CNTN4: variants seen among roughly 807,000 people sequenced by gnomAD.
The protein encoded by CNTN4 is contactin-4.
A neutral mutation model predicts 122.5 loss-of-function variants in CNTN4; 77 were observed. That is an observed-to-expected ratio of 0.63 (90% CI 0.52 to 0.76). CNTN4 has a LOEUF of 0.76. Among genes scored for constraint, CNTN4 ranks in the 30% least tolerant of loss-of-function variants. The probability of loss-of-function intolerance (pLI) is 0.00; values close to 1 mark genes in which losing one functional copy is unlikely to be tolerated. For synonymous variants in CNTN4, 512 were observed against 447.0 expected (o/e 1.15, Z -1.83); for missense variants, 1,256 against 1,259.1 (o/e 1.00, Z 0.04).
chr3:2,340,710 T>TATATATATATATATATATATAG, intron 3 of CNTN4, among the ~76,000 whole-genome samples: 6 of 18,302 alleles, frequency 3.3e-4, no homozygotes, highest in Non-Finnish European at 8.1e-4. Flanking sequence ...TATATATATA[T>TATATATATATATATATATATAG]AGAGAGAGAG....
At chr3:2,222,570 G>A (rs2039101647) in intron 2 of CNTN4, among the ~76,000 whole-genome samples, 2 of 151,654 alleles carry the variant, frequency 1.3e-5, no homozygotes, top group Middle Eastern at 3.4e-3. Context: ...TACATGAATT[G>A]TATACTTTGA....
intron 4 of CNTN4, among the ~76,000 whole-genome samples, chr3:2,721,128 C>T (rs867633432): frequency 3.3e-5 from 5 of 152,178 alleles, no homozygotes; most frequent in African/African-American, 9.6e-5. Flanking sequence ...TGTGCCACCA[C>T]ACCTGGCTAA....
intron 2 of CNTN4, among the ~76,000 whole-genome samples, chr3:2,164,375 A>G (rs550274218): frequency 3.6e-4 from 55 of 152,232 alleles, no homozygotes; most frequent in African/African-American, 1.2e-3. Context: ...AGAGAGGATG[A>G]CGCACATAGG....
At chr3:3,049,651 G>C (rs1286764701) in intron 23 of CNTN4, among the ~76,000 whole-genome samples, 1 of 152,172 alleles carries the variant, frequency 6.6e-6, no homozygotes, top group Non-Finnish European at 1.5e-5. Context: ...GAAAGCCATG[G>C]AGTGGACAGG....
At chr3:3,035,937 A>G (rs1699562771) in intron 17 of CNTN4, among the ~76,000 whole-genome samples, 1 of 152,138 alleles carries the variant, frequency 6.6e-6, no homozygotes, top group Non-Finnish European at 1.5e-5. Flanking sequence ...TAAAAAAAAA[A>G]AAAACATTGT....
At chr3:2,965,638 A>G (rs191972638) in intron 13 of CNTN4, among the ~76,000 whole-genome samples, 1 of 152,316 alleles carries the variant, frequency 6.6e-6, no homozygotes, top group Admixed American at 6.5e-5. Context: ...ATTCACCAGC[A>G]TGATCTTTCC....
chr3:2,849,986 C>CTTTTTTTTTTTTTTTTTT (rs746657018), intron 7 of CNTN4, among the ~76,000 whole-genome samples: 4 of 140,698 alleles, frequency 2.8e-5, no homozygotes, highest in Non-Finnish European at 1.5e-5. Context: ...TTAGCAATCA[C>CTTTTTTTTTTTTTTTTTT]TTTTTTTTCT....
chr3:2,253,514 AG>A (rs2040456006), intron 2 of CNTN4, among the ~76,000 whole-genome samples: 2 of 152,208 alleles, frequency 1.3e-5, no homozygotes, highest in African/African-American at 4.8e-5. Flanking sequence ...ACAGCTAAAA[AG>A]GTCTACTGAC....
Position 2,481,288 on chromosome 3 carries a change from A to G in CNTN4, c.-88-90128A>G, listed in dbSNP as rs572847648. On this transcript the variant is annotated intron_variant, in intron 3 of 24. Coordinates refer to ENST00000418658, the MANE Select transcript of CNTN4 (RefSeq NM_175607.3). The stretch of plus-strand genomic sequence containing the variant: ...CCTGAGCAGCTAGGATTACAGGTGC[A>G]CGCCACCATGTCCAGCTAATTTTTG... 4.0e-5 allele frequency among the ~76,000 whole-genome samples: 6 copies of G among 151,816 alleles called. No homozygotes were observed. The South Asian group carries it at 1.3e-3, about 32-fold the overall frequency.
At chr3:2,694,558 C>T (rs144808969) in intron 4 of CNTN4, among the ~76,000 whole-genome samples, 42 of 152,192 alleles carry the variant, frequency 2.8e-4, no homozygotes, top group East Asian at 2.1e-3. Context: ...AACAAAGCCC[C>T]GTCTCTACCA....
intron 3 of CNTN4, among the ~76,000 whole-genome samples, chr3:2,420,664 G>C (rs1490384999): frequency 6.6e-6 from 1 of 151,956 alleles, no homozygotes; most frequent in African/African-American, 2.4e-5. Context: ...TTGAACTCCT[G>C]GCCTCAAGTA....
intron 2 of CNTN4, among the ~76,000 whole-genome samples, chr3:2,267,108 T>C (rs956672505): frequency 1.3e-5 from 2 of 152,122 alleles, no homozygotes; most frequent in Admixed American, 6.6e-5. Context: ...GAACCTTTCC[T>C]GTGTCGGAAA....
At chr3:2,332,281 C>T (rs1389468717) in intron 2 of CNTN4, among the ~76,000 whole-genome samples, 1 of 152,166 alleles carries the variant, frequency 6.6e-6, no homozygotes, top group East Asian at 1.9e-4. Context: ...AATCACATCA[C>T]TGGCTGAATG....
At chr3:2,877,211 T>A (rs1263627007) in intron 8 of CNTN4, among the ~76,000 whole-genome samples, 2 of 152,216 alleles carry the variant, frequency 1.3e-5, no homozygotes, top group African/African-American at 2.4e-5. Context: ...AATATAAGGA[T>A]CAGATCTGTG....
intron 3 of CNTN4, among the ~76,000 whole-genome samples, chr3:2,535,094 A>T (rs865936525): frequency 6.6e-6 from 1 of 152,134 alleles, no homozygotes; most frequent in Non-Finnish European, 1.5e-5. Flanking sequence ...ATTACTTTAA[A>T]TAGGAATACC....
At chr3:3,049,169 GC>G (rs1400406324) in intron 23 of CNTN4, among the ~76,000 whole-genome samples, 9 of 152,154 alleles carry the variant, frequency 5.9e-5, no homozygotes, top group African/African-American at 2.2e-4. Context: ...TGCAACCTCC[GC>G]CTCCAGGGTT....
chr3:2,534,703 GT>G (rs1173284564), intron 3 of CNTN4, among the ~76,000 whole-genome samples: 3 of 151,206 alleles, frequency 2.0e-5, no homozygotes, highest in Non-Finnish European at 4.4e-5. Context: ...GTCCTCTGAA[GT>G]TTTAATTGCT....
At chr3:2,166,419 G>C (rs2036197929) in intron 2 of CNTN4, among the ~76,000 whole-genome samples, 1 of 152,108 alleles carries the variant, frequency 6.6e-6, no homozygotes, top group East Asian at 1.9e-4. Context: ...GAGAGATTAT[G>C]AGAGTGTAAA....
chr3:2,646,682 T>C (rs1316539147), intron 4 of CNTN4, among the ~76,000 whole-genome samples: 3 of 152,192 alleles, frequency 2.0e-5, no homozygotes, highest in Non-Finnish European at 4.4e-5. Flanking sequence ...CAGGAATTAA[T>C]TTTTTCATAG....
Sources: allele counts gnomAD v4.1 joint callset (sites outside exome capture counted in the v4.1 genomes callset), GRCh38; gene constraint gnomAD v4.1.1; transcripts MANE v1.5; gene names NCBI Gene and HGNC (gene_info 2026-07-23, HGNC 2026-07-21).